FRAS1: variants seen among roughly 807,000 people sequenced by gnomAD.
The protein encoded by FRAS1 is extracellular matrix organizing protein FRAS1.
In FRAS1, 290 loss-of-function variants were observed where a neutral mutation model predicts 435.2. The observed-to-expected ratio is 0.67, with a 90% confidence interval of 0.61 to 0.73. The LOEUF is 0.73. Among genes scored for constraint, FRAS1 ranks in the 30% least tolerant of loss-of-function variants. FRAS1 has a pLI of 0.00. For missense variants in FRAS1, 4,860 were observed against 5,001.5 expected, an observed-to-expected ratio of 0.97 and a Z score of 0.85; for synonymous variants, 1,800 against 1,851.0, an observed-to-expected ratio of 0.97 and a Z score of 0.71.
At chr4:78,192,748 G>A (rs377546828) in intron 2 of FRAS1, among the ~76,000 whole-genome samples, 57 of 152,072 alleles carry the variant, frequency 3.7e-4, no homozygotes, top group African/African-American at 1.2e-3. Flanking sequence ...GATTTTTTGA[G>A]GGGTTTTTTG....
At chr4:78,069,043 T>C (rs892578158) in intron 2 of FRAS1, among the ~76,000 whole-genome samples, 2 of 152,222 alleles carry the variant, frequency 1.3e-5, no homozygotes, top group Non-Finnish European at 2.9e-5. Flanking sequence ...TACAACTTTT[T>C]GGGTGACAAA....
In FRAS1 at chr4:78,255,619, C is replaced by T. The variant is rs551912012; in HGVS notation, c.603+244C>T. ...AATGCAACTGAGCCTTGAGGATTCA[C>T]ACAAGGAAGCCTCCAGCTCTAATGG... On this transcript the variant is annotated intron_variant, in intron 6 of 73. Coordinates refer to ENST00000512123, the MANE Select transcript of FRAS1 (RefSeq NM_025074.7). Among the ~76,000 whole-genome samples the T allele has an allele frequency of 1.8e-4, 28 of 152,352 alleles. No homozygotes were observed. In the South Asian group the frequency reaches 5.6e-3, roughly 30 times the overall value.
chr4:78,088,125 A>G (rs1020657283), intron 2 of FRAS1, among the ~76,000 whole-genome samples: 49 of 152,324 alleles, frequency 3.2e-4, no homozygotes, highest in Non-Finnish European at 5.3e-4. Flanking sequence ...ATAATGCTGC[A>G]TATCTACAAC....
intron 65 of FRAS1, among the ~76,000 whole-genome samples, chr4:78,514,803 A>G (rs963027881): frequency 1.3e-5 from 2 of 152,166 alleles, no homozygotes; most frequent in African/African-American, 4.8e-5. Flanking sequence ...GCAGTGGCTC[A>G]TGCCTGTAAT....
intron 1 of FRAS1, among the ~76,000 whole-genome samples, chr4:78,064,144 A>G (rs893349052): frequency 1.3e-5 from 2 of 151,504 alleles, no homozygotes; most frequent in Non-Finnish European, 2.9e-5. Context: ...GTCAATTAAG[A>G]AGAATTTTCC....
rs944626522 is a variant in FRAS1, at chr4:78,266,936, G to A, written c.789+1G>A. On this transcript the variant is annotated splice_donor_variant, in intron 8 of 73. Coordinates refer to ENST00000512123, the MANE Select transcript of FRAS1 (RefSeq NM_025074.7). LOFTEE classifies it high-confidence loss of function. ...CTGCCTGCCCCTGAGATGCGGAAAG[G>A]TATTTGAGAGTGTGTACCTTACTTG... 1.3e-6 allele frequency: 2 copies of A among 1,588,328 alleles called. No individual in the cohort carries two copies. The highest frequency in any genetic ancestry group is 1.3e-5 in the African/African-American group (1 of 74,496).
intron 2 of FRAS1, among the ~76,000 whole-genome samples, chr4:78,136,145 C>G (rs1719907491): frequency 6.6e-6 from 1 of 152,146 alleles, no homozygotes; most frequent in African/African-American, 2.4e-5. Context: ...CACTTAGGAA[C>G]AGTAGACAGC....
At chr4:78,454,401 G>A (rs187541222) in intron 47 of FRAS1, among the ~76,000 whole-genome samples, 148 of 152,222 alleles carry the variant, frequency 9.7e-4, no homozygotes, top group Middle Eastern at 3.4e-3. Flanking sequence ...CAATGGTGGA[G>A]GAGGGCATGT....
rs558671445 is a variant in FRAS1, at chr4:78,129,387, G to C, written c.108+63371G>C. ...TGTTGATTAGGCGATTGCATTTTGG[G>C]GTAAACAGTTGAGGAAAATGGTCTT... is the stretch of plus-strand genomic sequence containing the variant. On this transcript the variant is annotated intron_variant, in intron 2 of 73. Transcript: ENST00000512123. Among the ~76,000 whole-genome samples, 13 of 152,292 alleles carry C rather than the reference G, an allele frequency of 8.5e-5. No homozygotes were observed. In the South Asian group the frequency reaches 2.7e-3, roughly 32 times the overall value.
intron 64 of FRAS1, among the ~76,000 whole-genome samples, chr4:78,511,717 G>A (rs1431501943): frequency 1.3e-5 from 2 of 152,094 alleles, no homozygotes; most frequent in Admixed American, 6.6e-5. Flanking sequence ...CATTTTCACC[G>A]GCCATTCCAA....
chr4:78,472,971 G>A (rs193012953), intron 52 of FRAS1, among the ~76,000 whole-genome samples: 1 of 152,124 alleles, frequency 6.6e-6, no homozygotes, highest in Admixed American at 6.5e-5. Flanking sequence ...CTTTTTAGCT[G>A]TGCTTTGTGT....
intron 2 of FRAS1, chr4:78,181,183 T>G: frequency 6.2e-7 from 1 of 1,605,414 alleles, no homozygotes; most frequent in Non-Finnish European, 8.5e-7. Flanking sequence ...TAAATTCTAC[T>G]TTTGCCCGGT....
intron 2 of FRAS1, among the ~76,000 whole-genome samples, chr4:78,146,352 GAT>G (rs1484280378): frequency 6.6e-6 from 1 of 152,070 alleles, no homozygotes; most frequent in East Asian, 1.9e-4. Context: ...TTTAGTTACA[GAT>G]ATATATTGAT....
At chr4:78,072,336 G>A (rs148205098) in intron 2 of FRAS1, among the ~76,000 whole-genome samples, 1 of 152,236 alleles carries the variant, frequency 6.6e-6, no homozygotes, top group Non-Finnish European at 1.5e-5. Context: ...ACTTGAAACA[G>A]TTAACACACA....
chr4:78,210,784 A>G (rs184950266), intron 2 of FRAS1, among the ~76,000 whole-genome samples: 1 of 152,276 alleles, frequency 6.6e-6, no homozygotes, highest in Admixed American at 6.5e-5. Flanking sequence ...GAGCAGGGGA[A>G]TTGTAGGTGT....
chr4:78,290,741 C>A (rs543828799), intron 14 of FRAS1, among the ~76,000 whole-genome samples: 1 of 150,390 alleles, frequency 6.6e-6, no homozygotes, highest in Non-Finnish European at 1.5e-5. Flanking sequence ...TGAGCCACCA[C>A]ACCTGGCCTC....
At chr4:78,490,010 A>G (rs1720301153) in intron 59 of FRAS1, among the ~76,000 whole-genome samples, 1 of 149,960 alleles carries the variant, frequency 6.7e-6, no homozygotes, top group Non-Finnish European at 1.5e-5. Flanking sequence ...TTGAAATCCT[A>G]GTCTCTGATA....
intron 41 of FRAS1, chr4:78,444,268 C>T: frequency 2.3e-6 from 1 of 431,752 alleles, no homozygotes; most frequent in Admixed American, 2.5e-5. Context: ...CTTCTGGAAA[C>T]CCTGAACTGT....
intron 2 of FRAS1, among the ~76,000 whole-genome samples, chr4:78,162,721 CG>C (rs1168707597): frequency 6.6e-6 from 1 of 152,120 alleles, no homozygotes; most frequent in African/African-American, 2.4e-5. Context: ...ACTTCAGAAA[CG>C]GGAGTTATTT....
Sources: gnomAD v4.1 joint callset for allele counts (sites outside exome capture counted in the v4.1 genomes callset) on GRCh38, gnomAD v4.1.1 for gene constraint, MANE v1.5 for transcripts, NCBI Gene and HGNC (gene_info 2026-07-23, HGNC 2026-07-21) for gene names.